PIK3R3: variants seen among roughly 807,000 people sequenced by gnomAD.
PIK3R3 encodes phosphoinositide-3-kinase regulatory subunit 3.
Under a neutral mutation model 62.9 loss-of-function variants are expected in PIK3R3, and 64 were observed. The observed-to-expected ratio is 1.02, with a 90% CI of 0.83 to 1.25. The LOEUF is 1.25. Ranked by LOEUF, PIK3R3 falls within the 50% of genes most tolerant of loss-of-function variation. The pLI is 0.00. For missense variants in PIK3R3, 614 were observed against 561.6 expected (o/e 1.09, Z -0.94); for synonymous variants, 165 against 189.0 (o/e 0.87, Z 1.04).
chr1:46,158,330 G>T, the PIK3R3 span, among the ~76,000 whole-genome samples: 1 of 152,164 alleles, frequency 6.6e-6, no homozygotes, highest in South Asian at 2.1e-4. Context: ...TACCATGCTT[G>T]TACTCTATCA....
chr1:46,122,529 G>A (rs1355105337), intron 1 of PIK3R3, among the ~76,000 whole-genome samples: 1 of 152,024 alleles, frequency 6.6e-6, no homozygotes, highest in African/African-American at 2.4e-5. Flanking sequence ...CACCACGCCT[G>A]GCTAATTTTT....
chr1:46,119,535 T>G (rs1404031420), intron 1 of PIK3R3, among the ~76,000 whole-genome samples: 1 of 152,216 alleles, frequency 6.6e-6, no homozygotes, highest in Non-Finnish European at 1.5e-5. Context: ...TACTCCACTA[T>G]ACTGCCTCTA....
At chr1:46,091,483 TACACAC>T (rs111759714) in intron 1 of PIK3R3, among the ~76,000 whole-genome samples, 1 of 149,626 alleles carries the variant, frequency 6.7e-6, no homozygotes, top group Non-Finnish European at 1.5e-5. Context: ...CACACACACA[TACACAC>T]ACACACACAC....
chr1:46,055,769 T>G, intron 7 of PIK3R3, 26 bp downstream of exon 7: 2 of 1,511,046 alleles, frequency 1.3e-6, no homozygotes, highest in Admixed American at 2.1e-5. Context: ...AACGTCTCCC[T>G]CCCCATACAC....
chr1:46,166,026 G>A, the PIK3R3 span, among the ~76,000 whole-genome samples: 1 of 145,512 alleles, frequency 6.9e-6, no homozygotes, highest in Non-Finnish European at 1.5e-5. Context: ...CGCCCGCCTC[G>A]GCCTCCCAAA....
chr1:46,102,045 C>T (rs1247679435), intron 1 of PIK3R3, among the ~76,000 whole-genome samples: 4 of 120,930 alleles, frequency 3.3e-5, no homozygotes, highest in South Asian at 5.3e-4. Flanking sequence ...AGTGCAGTGG[C>T]GCAATCTCGG....
intron 2 of PIK3R3, among the ~76,000 whole-genome samples, chr1:46,079,840 GC>G (rs1443488798): frequency 2.6e-5 from 4 of 151,602 alleles, no homozygotes; most frequent in Non-Finnish European, 5.9e-5. Context: ...TGTAATCCCA[GC>G]TACTTGGGAG....
At chr1:46,104,999 A>T in intron 1 of PIK3R3, 1 of 738,082 alleles carries the variant, frequency 1.4e-6, no homozygotes, top group Non-Finnish European at 2.5e-6. Flanking sequence ...AACAATCGCA[A>T]GGCAGAGCCA....
rs2149367047 is a variant in PIK3R3 at position 46,041,022 on chromosome 1, AG to A, written c.*2650del. 6.1e-6 allele frequency: 1 copy of A among 164,880 alleles called. No homozygotes were observed. Among genetic ancestry groups the A allele is most frequent in the African/African-American group, 2.4e-5 (1 of 41,950 alleles). 10.2% of individuals were successfully genotyped at this position (164,880 alleles called of 1,614,324 possible). A position where few individuals can be genotyped will look rare whatever the true frequency, so the allele number is the denominator to read the frequency against. On this transcript the variant is annotated 3_prime_UTR_variant, in exon 10 of 10. Coordinates refer to ENST00000262741, the MANE Select transcript of PIK3R3 (RefSeq NM_003629.4). ...ATGTCAGTAGCTGGGTTCTCTAGCC[AG>A]GGGTATAATGAACCCCTCTGATCTT...
chr1:46,107,602 A>C (rs1166505173), intron 1 of PIK3R3, among the ~76,000 whole-genome samples: 2 of 152,132 alleles, frequency 1.3e-5, no homozygotes, highest in African/African-American at 4.8e-5. Flanking sequence ...TTTCTATATG[A>C]CTGTATCATC....
chr1:46,110,106 A>G (rs929801849), intron 1 of PIK3R3, among the ~76,000 whole-genome samples: 2 of 143,328 alleles, frequency 1.4e-5, no homozygotes, highest in African/African-American at 5.0e-5. Flanking sequence ...AACCTGCCTC[A>G]TCCACTTTTT....
the PIK3R3 span, among the ~76,000 whole-genome samples, chr1:46,173,284 C>T: frequency 6.6e-6 from 1 of 152,214 alleles, no homozygotes. Context: ...TACAAGTACT[C>T]AGAGACCTCC....
chr1:46,095,528 G>GC (rs886166954), intron 1 of PIK3R3, among the ~76,000 whole-genome samples: 31 of 152,154 alleles, frequency 2.0e-4, no homozygotes, highest in Admixed American at 9.8e-4. Context: ...GGGAGAGAGA[G>GC]CATCAGGAGG....
chr1:46,087,644 A>C (rs1651210765), intron 1 of PIK3R3, among the ~76,000 whole-genome samples: 1 of 140,136 alleles, frequency 7.1e-6, no homozygotes, highest in Non-Finnish European at 1.5e-5. Context: ...TATATTGCCA[A>C]GGGTGGTCTC....
In PIK3R3 at chr1:46,115,863, C is replaced by T. The variant is rs186648044; in HGVS notation, c.106+15984G>A. On this transcript the variant is annotated intron_variant, in intron 1 of 9. Coordinates refer to ENST00000262741, the MANE Select transcript of PIK3R3 (RefSeq NM_003629.4). ...GGTTCCTGGCCCTTATTGTACAGAT[C>T]AGAATAATGACACGGGCAAAGGAGA... Among the ~76,000 whole-genome samples the T allele has an allele frequency of 4.8e-4, 73 of 152,202 alleles. 1 individual carries two copies. The highest frequency in any genetic ancestry group is 1.7e-3 in the African/African-American group (72 of 41,534).
At chr1:46,046,205 T>G in intron 8 of PIK3R3, 117 bp from the exon 9 acceptor site, 1 of 652,236 alleles carries the variant, frequency 1.5e-6, no homozygotes, top group Non-Finnish European at 2.6e-6. Flanking sequence ...AAATTGCAAT[T>G]ATTTGGGTGT....
upstream of PIK3R3, among the ~76,000 whole-genome samples, chr1:46,136,482 T>A (rs1254813525): frequency 6.6e-6 from 1 of 152,228 alleles, no homozygotes; most frequent in Non-Finnish European, 1.5e-5. Flanking sequence ...ATTCCTTGTA[T>A]TTGGCATTTG....
the PIK3R3 span, among the ~76,000 whole-genome samples, chr1:46,158,899 A>C: frequency 2.6e-5 from 4 of 152,032 alleles, no homozygotes; most frequent in Admixed American, 2.6e-4. Flanking sequence ...CAGCCTAACC[A>C]ATATGGTGAC....
chr1:46,128,111 T>A (rs1655252283), intron 1 of PIK3R3, among the ~76,000 whole-genome samples: 1 of 152,132 alleles, frequency 6.6e-6, no homozygotes, highest in African/African-American at 2.4e-5. Context: ...CAATAATAGA[T>A]AAAACTTGGC....
Sources: gnomAD v4.1 joint callset for allele counts (sites outside exome capture counted in the v4.1 genomes callset) on GRCh38, gnomAD v4.1.1 for gene constraint, MANE v1.5 for transcripts, NCBI Gene and HGNC (gene_info 2026-07-23, HGNC 2026-07-21) for gene names.